The following DPF3 variants were observed in gnomAD, a reference collection of about 807,000 sequenced individuals.
DPF3 encodes zinc finger protein DPF3.
Under a neutral mutation model 56.8 loss-of-function variants are expected in DPF3, and 18 were observed. The ratio of observed to expected loss-of-function variants is 0.32; its 90% CI spans 0.22 to 0.47. DPF3 has a LOEUF of 0.47. Ranked by LOEUF, DPF3 falls within the 20% of genes least tolerant of loss-of-function variation. The pLI is 1.00. For missense variants in DPF3, 403 were observed against 488.8 expected (o/e 0.82, Z 1.65); for synonymous variants, 188 against 180.2 (o/e 1.04, Z -0.35).
intron 6 of DPF3, among the ~76,000 whole-genome samples, chr14:72,702,939 G>T (rs961314529): frequency 6.6e-6 from 1 of 152,192 alleles, no homozygotes; most frequent in African/African-American, 2.4e-5. Context: ...GAGACCGGGG[G>T]TCTGGCTCTG....
chr14:72,630,914 C>A (rs568925042), intron 8 of DPF3, among the ~76,000 whole-genome samples: 3 of 152,204 alleles, frequency 2.0e-5, no homozygotes, highest in Non-Finnish European at 4.4e-5. Context: ...ATGGTTAGCA[C>A]CGCCAACCTA....
chr14:72,738,569 A>G (rs1889997312), intron 3 of DPF3, among the ~76,000 whole-genome samples: 1 of 152,076 alleles, frequency 6.6e-6, no homozygotes, highest in East Asian at 1.9e-4. Flanking sequence ...AGCTACCAGG[A>G]GGGTGAGACG....
chr14:72,737,978 T>C (rs1350018845), intron 3 of DPF3, among the ~76,000 whole-genome samples: 2 of 152,146 alleles, frequency 1.3e-5, no homozygotes. Context: ...CTTATTATAT[T>C]GAGGAGTTAA....
chr14:72,664,419 T>C (rs543674158), intron 8 of DPF3, among the ~76,000 whole-genome samples: 66 of 152,230 alleles, frequency 4.3e-4, no homozygotes, highest in Middle Eastern at 3.4e-3. Context: ...CACTCCTAAC[T>C]TCCATTTTCT....
At chr14:72,741,690 A>G (rs886858015) in intron 3 of DPF3, among the ~76,000 whole-genome samples, 3 of 152,230 alleles carry the variant, frequency 2.0e-5, no homozygotes, top group East Asian at 1.9e-4. Context: ...TTTACTGCCC[A>G]TGTACTATGT....
intron 8 of DPF3, among the ~76,000 whole-genome samples, chr14:72,653,629 CA>C (rs1239683176): frequency 5.3e-5 from 8 of 152,116 alleles, no homozygotes; most frequent in Non-Finnish European, 2.9e-5. Flanking sequence ...GGTGCTTTTT[CA>C]AATAAACCCT....
In DPF3 at chr14:72,615,127, G is replaced by A. The variant is rs114558641; in HGVS notation, c.*4170C>T. On this transcript the variant is annotated 3_prime_UTR_variant, in exon 11 of 11. Coordinates refer to ENST00000556509, the MANE Select transcript of DPF3 (RefSeq NM_001280542.3). The stretch of plus-strand genomic sequence containing the variant: ...AGAGGGGCTAGGAGGGGCAGCCGGG[G>A]AGTGAGAGAAGAAGGGGCTGCTTCT... 0.023 allele frequency among the ~76,000 whole-genome samples: 3,542 copies of A among 152,246 alleles called. 149 individuals are homozygous for A. The highest frequency in any genetic ancestry group is 0.082 in the African/African-American group (3,386 of 41,542).
intron 8 of DPF3, among the ~76,000 whole-genome samples, chr14:72,669,598 T>C (rs1179047170): frequency 6.6e-6 from 1 of 152,120 alleles, no homozygotes; most frequent in Non-Finnish European, 1.5e-5. Flanking sequence ...TTCAGTTCCC[T>C]GGATTTCACT....
At chr14:72,714,327 G>A in intron 6 of DPF3, 96 bp downstream of exon 6, 1 of 1,476,736 alleles carries the variant, frequency 6.8e-7, no homozygotes, top group Non-Finnish European at 9.3e-7. Context: ...AGCACACACT[G>A]AGGTTGGCAG....
At chr14:72,750,394 G>T (rs1406854334) in intron 3 of DPF3, among the ~76,000 whole-genome samples, 1 of 152,160 alleles carries the variant, frequency 6.6e-6, no homozygotes, top group East Asian at 1.9e-4. Flanking sequence ...GATATAAATT[G>T]TTCTTAACCA....
At chr14:72,772,304 C>A (rs1271805477) in intron 1 of DPF3, among the ~76,000 whole-genome samples, 1 of 152,178 alleles carries the variant, frequency 6.6e-6, no homozygotes, top group Non-Finnish European at 1.5e-5. Context: ...ATTTTATTCT[C>A]AGAGGTCACC....
At chr14:72,675,568 T>A (rs1886874876) in intron 7 of DPF3, 1 of 152,238 alleles carries the variant, frequency 6.6e-6, no homozygotes, top group Non-Finnish European at 1.5e-5. Flanking sequence ...AGACAGTAAG[T>A]GATAAACGGA....
chr14:72,713,010 C>A lies in DPF3; in HGVS notation c.604+1413G>T, dbSNP rs532471406. Among the ~76,000 whole-genome samples, 9 of 152,378 alleles carry A rather than the reference C, an allele frequency of 5.9e-5. No individual in the cohort carries two copies. The East Asian group carries it at 1.7e-3, about 29-fold the overall frequency. Reference sequence around the variant, plus strand: ...TAGAAAGCCCAAGACGGTCTGAGGGCCCTTCCCAGCCCATGGCTTACAGCC... The same window carrying A: ...TAGAAAGCCCAAGACGGTCTGAGGGACCTTCCCAGCCCATGGCTTACAGCC... On this transcript the variant is annotated intron_variant, in intron 6 of 10. Transcript: ENST00000556509.
Position 72,674,271 on chromosome 14 carries a change from C to T in DPF3, c.840G>A (p.Glu280=). ...GTCCACAGTCTGCGCAGGACACCAG[C>T]TCTTCAGGCCGCCCACTCTTCTTGT... The part of the protein sequence containing the change: ...NMNKKSGRPE[E]LVSCADCGRS... Residue 280 remains glutamate, a synonymous_variant, in exon 8 of 11, where the codon GAG becomes GAA. Transcript: ENST00000556509. 6.2e-7 allele frequency: 1 copy of T among 1,612,624 alleles called. No homozygotes were observed. The highest frequency in any genetic ancestry group is 8.5e-7 in the Non-Finnish European group (1 of 1,179,456).
At chr14:72,753,860 T>TCCCA (rs1380095235) in intron 2 of DPF3, among the ~76,000 whole-genome samples, 5 of 151,970 alleles carry the variant, frequency 3.3e-5, no homozygotes, top group Non-Finnish European at 5.9e-5. Flanking sequence ...CAAAGGCGTC[T>TCCCA]CCCACCCACT....
chr14:72,776,991 T>A (rs1891769462), intron 1 of DPF3, among the ~76,000 whole-genome samples: 1 of 152,138 alleles, frequency 6.6e-6, no homozygotes, highest in Admixed American at 6.5e-5. Context: ...TCGTCCTTTC[T>A]CTCCACTCCC....
chr14:72,831,460 A>G (rs1317673573), intron 1 of DPF3, among the ~76,000 whole-genome samples: 2 of 152,240 alleles, frequency 1.3e-5, no homozygotes, highest in Admixed American at 6.5e-5. Flanking sequence ...TACATTAAGT[A>G]TCTTCTGACA....
chr14:72,732,322 G>A (rs531485134), intron 3 of DPF3, among the ~76,000 whole-genome samples: 2 of 152,348 alleles, frequency 1.3e-5, no homozygotes, highest in African/African-American at 2.4e-5. Context: ...TTTGTAAGGG[G>A]ACATGTGTTC....
intron 1 of DPF3, among the ~76,000 whole-genome samples, chr14:72,776,040 T>C (rs528707309): frequency 6.6e-6 from 1 of 151,210 alleles, no homozygotes; most frequent in East Asian, 1.9e-4. Flanking sequence ...ACATTTACAT[T>C]AAAGTTGAAG....
Sources: gnomAD v4.1 joint callset for allele counts (sites outside exome capture counted in the v4.1 genomes callset) on GRCh38, gnomAD v4.1.1 for gene constraint, MANE v1.5 for transcripts, NCBI Gene and HGNC (gene_info 2026-07-23, HGNC 2026-07-21) for gene names.